SH3GL1: variants seen among roughly 807,000 people sequenced by gnomAD.
SH3GL1 encodes SH3 domain containing GRB2 like 1, endophilin A2.
A neutral mutation model predicts 48.8 loss-of-function variants in SH3GL1; 21 were observed. The ratio of observed to expected loss-of-function variants is 0.43; its 90% CI spans 0.30 to 0.62. The LOEUF is 0.62. Ranked by LOEUF, SH3GL1 falls within the 20% of genes least tolerant of loss-of-function variation. The pLI, the probability that SH3GL1 is intolerant of heterozygous loss-of-function variation, is 0.11. For missense variants in SH3GL1, 454 were observed against 503.0 expected, an observed-to-expected ratio of 0.90 and a Z score of 0.93; for synonymous variants, 282 against 217.5, an observed-to-expected ratio of 1.30 and a Z score of -2.61.
rs1457068886 is a variant in SH3GL1 at position 4,364,079 on chromosome 19, G to A, written c.465+9C>T. Reference sequence around the variant, plus strand: ...AGGGACAGGCCCCAGGCTGGCGCAGGAGCAGCACCTGGATCTCCTTCAGGT... The same window carrying A: ...AGGGACAGGCCCCAGGCTGGCGCAGAAGCAGCACCTGGATCTCCTTCAGGT... On this transcript the variant is annotated intron_variant, in intron 5 of 9. Coordinates refer to ENST00000269886, the MANE Select transcript of SH3GL1 (RefSeq NM_003025.4). 2 of 1,611,990 alleles carry A rather than the reference G, an allele frequency of 1.2e-6. No homozygotes were observed. The highest frequency in any genetic ancestry group is 1.7e-5 in the Admixed American group (1 of 60,014).
At chr19:4,362,986 A>C (rs545571071) in intron 7 of SH3GL1, among the ~76,000 whole-genome samples, 1 of 152,122 alleles carries the variant, frequency 6.6e-6, no homozygotes, top group East Asian at 1.9e-4. Flanking sequence ...GCATCTACCT[A>C]CAACACCCCC....
At position 4,400,260 on chromosome 19, in the gene SH3GL1, C is replaced by A. The variant is rs1277110938; in HGVS notation, c.45+64G>T. 1.0e-5 allele frequency: 16 copies of A among 1,553,648 alleles called. No homozygotes were observed. In the East Asian group the frequency reaches 3.2e-4, roughly 31 times the overall value. ...CGGCCCCCTCCCGGGCCAGGTCGGG[C>A]CTGGCTCCCTCATCCGGGCAGCCCG... On this transcript the variant is annotated intron_variant, in intron 1 of 9. Coordinates refer to ENST00000269886, the MANE Select transcript of SH3GL1 (RefSeq NM_003025.4). The surrounding 1 kb of genome is among the most constrained non-coding windows in gnomAD (Gnocchi z 4.1).
intron 1 of SH3GL1, among the ~76,000 whole-genome samples, chr19:4,380,983 A>G (rs1973109016): frequency 6.6e-6 from 1 of 151,832 alleles, no homozygotes; most frequent in Non-Finnish European, 1.5e-5. Context: ...TGTTGATTTC[A>G]GGGATGAGAG....
rs769240897 is a variant in SH3GL1, at chr19:4,389,186, T to C, written c.45+11138A>G. Among the ~76,000 whole-genome samples the C allele has an allele frequency of 6.6e-6, 1 of 152,088 alleles. No individual in the cohort carries two copies. Among genetic ancestry groups the C allele is most frequent in the Non-Finnish European group, 1.5e-5 (1 of 68,000 alleles). On this transcript the variant is annotated intron_variant, in intron 1 of 9. Coordinates refer to ENST00000269886, the MANE Select transcript of SH3GL1 (RefSeq NM_003025.4). The surrounding 1 kb of genome is among the most constrained non-coding windows in gnomAD (Gnocchi z 4.5). ...CAGCAGGCCAGTGCCCAGCAGAACA[T>C]GGCCCATCACACATGCCCGAGCACA...
At chr19:4,398,072 C>G (rs1353896837) in intron 1 of SH3GL1, among the ~76,000 whole-genome samples, 1 of 152,028 alleles carries the variant, frequency 6.6e-6, no homozygotes, top group Non-Finnish European at 1.5e-5. Context: ...GTCTTGAACT[C>G]CTGAACTCAA....
chr19:4,400,343 T>C lies in SH3GL1; in HGVS notation c.26A>G (p.Gln9Arg), dbSNP rs1446899294. 6.3e-7 allele frequency: 1 copy of C among 1,595,702 alleles called. No homozygotes were observed. Among genetic ancestry groups the C allele is most frequent in the Admixed American group, 1.7e-5 (1 of 59,040 alleles). ...GCTCACCTGGCTCGCCTTGTAGAACTGCTTCTTCAGCCCCGCCACCGACAT... is the reference window on the plus strand; with the variant it reads ...GCTCACCTGGCTCGCCTTGTAGAACCGCTTCTTCAGCCCCGCCACCGACAT... MSVAGLKK[Q>R]FYKASQLVSE... The change falls in exon 1 of 10, where the codon CAG becomes CGG. Residue 9 changes from glutamine (Q) to arginine (R), a missense_variant. By Grantham distance (43) the Gln-to-Arg change is conservative. This residue lies in a region of SH3GL1 where 176 missense variants were observed against 256.2 expected (regional missense o/e 0.69). Transcript: ENST00000269886. This position sits in a 1 kb window ranked among gnomAD's most constrained non-coding sequence, Gnocchi z 4.1.
chr19:4,397,735 A>C (rs1850162201), intron 1 of SH3GL1, among the ~76,000 whole-genome samples: 1 of 152,140 alleles, frequency 6.6e-6, no homozygotes, highest in African/African-American at 2.4e-5. Flanking sequence ...GTTCTCAGTG[A>C]CAACTCTAAA....
chr19:4,381,316 CT>C (rs1568416814), intron 1 of SH3GL1, among the ~76,000 whole-genome samples: 1 of 129,170 alleles, frequency 7.7e-6, no homozygotes, highest in Non-Finnish European at 1.7e-5. Flanking sequence ...CTCTGTCCCC[CT>C]ATGTCTCCCG....
At position 4,361,426 on chromosome 19, in the gene SH3GL1, GCCCC is replaced by G; in HGVS notation, c.*170_*173del. On this transcript the variant is annotated 3_prime_UTR_variant, in exon 10 of 10. Transcript: ENST00000269886. The stretch of plus-strand genomic sequence containing the variant: ...CAGGCATCCCCACCCACCCAGATAA[GCCCC>G]CCCACCCAAGTGTGGGGTCCTGCTC... 1 of 596,688 alleles carries G rather than the reference GCCCC, an allele frequency of 1.7e-6. No homozygotes were observed. Among genetic ancestry groups the G allele is most frequent in the Non-Finnish European group, 3.0e-6 (1 of 336,702 alleles). 37.0% of individuals were successfully genotyped at this position (596,688 alleles called of 1,614,324 possible). A position where few individuals can be genotyped will look rare whatever the true frequency, so the allele number is the denominator to read the frequency against.
chr19:4,382,931 C>T (rs1001685186), intron 1 of SH3GL1, among the ~76,000 whole-genome samples: 2 of 152,062 alleles, frequency 1.3e-5, no homozygotes, highest in Non-Finnish European at 2.9e-5. Flanking sequence ...TTCATTTTTT[C>T]TTTTTGAGAC....
intron 5 of SH3GL1, 65 bp downstream of exon 5, chr19:4,364,023 A>C (rs1024741880): frequency 5.0e-6 from 8 of 1,607,834 alleles, no homozygotes; most frequent in Non-Finnish European, 6.8e-6. Context: ...TGAGGGTGGC[A>C]GGAATGGGGC....
rs1972806215 is a variant in SH3GL1, at chr19:4,367,400, TC to T, written c.46-407del. Among the ~76,000 whole-genome samples the T allele has an allele frequency of 6.6e-6, 1 of 151,600 alleles. No individual in the cohort carries two copies. Among genetic ancestry groups the T allele is most frequent in the Admixed American group, 6.6e-5 (1 of 15,240 alleles). ...ATAGCAATGTGGGGATCTGCCCCCA[TC>T]CTTGAGTATGTGGGGTCTACTTAAA... is the stretch of plus-strand genomic sequence containing the variant. On this transcript the variant is annotated intron_variant, in intron 1 of 9. Coordinates refer to ENST00000269886, the MANE Select transcript of SH3GL1 (RefSeq NM_003025.4). This position sits in a 1 kb window ranked among gnomAD's most constrained non-coding sequence, Gnocchi z 4.2.
chr19:4,365,689 G>A (rs1039054994), intron 3 of SH3GL1, 64 bp from the exon 4 acceptor site: 17 of 1,599,048 alleles, frequency 1.1e-5, no homozygotes, highest in East Asian at 6.7e-5. Context: ...CTGGCAGACT[G>A]CAGCCCCCAC....
intron 3 of SH3GL1, 30 bp downstream of exon 3, chr19:4,366,471 G>C: frequency 1.3e-6 from 2 of 1,552,354 alleles, no homozygotes; most frequent in Non-Finnish European, 1.8e-6. Flanking sequence ...AGGGCCTGGG[G>C]CAGGCCCTGG....
At chr19:4,393,776 C>A (rs1444355308) in intron 1 of SH3GL1, among the ~76,000 whole-genome samples, 1 of 151,910 alleles carries the variant, frequency 6.6e-6, no homozygotes, top group Non-Finnish European at 1.5e-5. Flanking sequence ...GGCGACAGAG[C>A]TAGACTCTGT....
chr19:4,390,295 A>C (rs559947879), intron 1 of SH3GL1: 1 of 152,376 alleles, frequency 6.6e-6, no homozygotes, highest in East Asian at 1.9e-4. Flanking sequence ...CTTAACAGGA[A>C]ATGAGCAGAA....
At chr19:4,381,464 ATCTCTCTGTCCCCTCTGCCTCTCTCCG>A (rs1973128095) in intron 1 of SH3GL1, among the ~76,000 whole-genome samples, 2 of 33,908 alleles carry the variant, frequency 5.9e-5, no homozygotes, top group Non-Finnish European at 1.1e-4. Context: ...TCTGTCTCCC[ATCTCTCTGTCCCCTCTGCCTCTCTCCG>A]TTCTCCTGCC....
Position 4,389,077 on chromosome 19 carries a change from A to G in SH3GL1, c.45+11247T>C, listed in dbSNP as rs1435074049. Among the ~76,000 whole-genome samples, 1 of 152,186 alleles carries G rather than the reference A, an allele frequency of 6.6e-6. No homozygotes were observed. Among genetic ancestry groups the G allele is most frequent in the Admixed American group, 6.5e-5 (1 of 15,286 alleles). ...GTTGAGCCACCACCAGGGACACCAC[A>G]GGGGCCCTGTGGAGGACAGCCCCTC... On this transcript the variant is annotated intron_variant, in intron 1 of 9. Coordinates refer to ENST00000269886, the MANE Select transcript of SH3GL1 (RefSeq NM_003025.4). The surrounding 1 kb of genome is among the most constrained non-coding windows in gnomAD (Gnocchi z 4.5).
rs532595341 is a variant in SH3GL1, at chr19:4,400,296, C to T, written c.45+28G>A. 3 of 1,590,222 alleles carry T rather than the reference C, an allele frequency of 1.9e-6. No homozygotes were observed. The highest frequency in any genetic ancestry group is 2.6e-6 in the Non-Finnish European group (3 of 1,172,136). ...CATCCGGGCAGCCCGGGGCCCGGTA[C>T]TCGGCTCCCGCCTGGGCCTGCGCTC... On this transcript the variant is annotated intron_variant, in intron 1 of 9. Coordinates refer to ENST00000269886, the MANE Select transcript of SH3GL1 (RefSeq NM_003025.4). The surrounding 1 kb of genome is among the most constrained non-coding windows in gnomAD (Gnocchi z 4.1).
Sources: allele counts gnomAD v4.1 joint callset (sites outside exome capture counted in the v4.1 genomes callset), GRCh38; gene constraint gnomAD v4.1.1; regional missense constraint gnomAD v4.1.1; non-coding constraint Gnocchi (gnomAD v3.1); transcripts MANE v1.5; gene names NCBI Gene and HGNC (gene_info 2026-07-23, HGNC 2026-07-21).